Variants in EXT2 observed in about 807,000 individuals in gnomAD.
EXT2 encodes exostosin-2.
Under a neutral mutation model 81.6 loss-of-function variants are expected in EXT2, and 53 were observed. The observed-to-expected ratio is 0.65, with a 90% CI of 0.52 to 0.82. EXT2 has a LOEUF of 0.82. EXT2 is among the 40% of genes least tolerant of loss of function. The pLI is 0.00. For synonymous variants in EXT2, 320 were observed against 340.0 expected, an observed-to-expected ratio of 0.94 and a Z score of 0.65; for missense variants, 774 against 910.2, an observed-to-expected ratio of 0.85 and a Z score of 1.93.
At chr11:44,195,157 G>A (rs537791494) in intron 8 of EXT2, among the ~76,000 whole-genome samples, 74 of 152,202 alleles carry the variant, frequency 4.9e-4, no homozygotes, top group East Asian at 2.3e-3. Flanking sequence ...TTTCCTGGCC[G>A]GGCGCGGTGG....
At chr11:44,196,258 C>G (rs907316438) in intron 8 of EXT2, among the ~76,000 whole-genome samples, 1 of 152,158 alleles carries the variant, frequency 6.6e-6, no homozygotes, top group African/African-American at 2.4e-5. Flanking sequence ...TCTTTATTCT[C>G]TGTGTTCAGA....
chr11:44,106,251 C>T (rs181502849), intron 1 of EXT2, among the ~76,000 whole-genome samples: 8 of 152,232 alleles, frequency 5.3e-5, no homozygotes, highest in Admixed American at 5.2e-4. Context: ...TGTTGGTGTT[C>T]GTCTTTGTAA....
chr11:44,241,970 A>G (rs999133849), intron 13 of EXT2, among the ~76,000 whole-genome samples: 15 of 152,210 alleles, frequency 9.9e-5, no homozygotes, highest in African/African-American at 3.6e-4. Context: ...TACTCACTAG[A>G]CTTGGGTTAG....
chr11:44,111,552 G>A (rs1378850491), intron 3 of EXT2, among the ~76,000 whole-genome samples: 1 of 152,062 alleles, frequency 6.6e-6, no homozygotes, highest in Non-Finnish European at 1.5e-5. Context: ...CTGTAATACC[G>A]TTACTACCTT....
In EXT2 at chr11:44,173,819, G is replaced by A. The variant is rs373182342; in HGVS notation, c.1305+2077G>A. Among the ~76,000 whole-genome samples, 9 of 151,742 alleles carry A rather than the reference G, an allele frequency of 5.9e-5. No homozygotes were observed. The East Asian group carries it at 7.8e-4, about 13-fold the overall frequency. ...CCTGATCTTGTGATCCGCCTGCCTC[G>A]GCCTCCCAAAGTGCTGGGATTACAG... On this transcript the variant is annotated intron_variant, in intron 8 of 13. Transcript: ENST00000533608.
Position 44,232,357 on chromosome 11 carries a change from G to A in EXT2, c.1667G>A (p.Trp556Ter). 1 of 1,613,932 alleles carries A rather than the reference G, an allele frequency of 6.2e-7. No homozygotes were observed. The highest frequency in any genetic ancestry group is 2.2e-5 in the East Asian group (1 of 44,874). Residue 556 changes from tryptophan to a stop codon, truncating the protein, a stop_gained, in exon 11 of 14, where the codon TGG (tryptophan) becomes TAG (stop). Transcript: ENST00000533608. LOFTEE classifies it high-confidence loss of function. ...TTATTATGTGTCTGTCCTTAGGTCT[G>A]GCGGGAATTTCCTGACCGGTTGGTG... ...SDELQFGYEV[W>*]REFPDRLVGY...
At chr11:44,105,956 C>T (rs978591375) in intron 1 of EXT2, among the ~76,000 whole-genome samples, 2 of 152,190 alleles carry the variant, frequency 1.3e-5, no homozygotes, top group African/African-American at 4.8e-5. Flanking sequence ...GGGGATGGCT[C>T]ATCTCTTCCC....
chr11:44,137,595 A>C (rs1160139121), intron 7 of EXT2, among the ~76,000 whole-genome samples: 1 of 152,026 alleles, frequency 6.6e-6, no homozygotes, highest in Non-Finnish European at 1.5e-5. Context: ...GAGAGACCAT[A>C]AAGCTACTTT....
intron 7 of EXT2, among the ~76,000 whole-genome samples, chr11:44,137,543 C>T (rs1954588698): frequency 6.7e-6 from 1 of 149,250 alleles, no homozygotes; most frequent in African/African-American, 2.5e-5. Context: ...AATTAGGGTC[C>T]CTAATTTCAT....
intron 3 of EXT2, 151 bp from the exon 4 acceptor site, chr11:44,114,034 G>C (rs1954183930): frequency 1.3e-6 from 1 of 741,200 alleles, no homozygotes; most frequent in East Asian, 2.6e-5. Context: ...CCCGAGATGC[G>C]TGTATAAGGC....
intron 7 of EXT2, among the ~76,000 whole-genome samples, chr11:44,140,076 A>G (rs1270592600): frequency 3.3e-5 from 5 of 152,196 alleles, no homozygotes; most frequent in Non-Finnish European, 7.3e-5. Flanking sequence ...AGGGTTTTCC[A>G]AGGGCTTTTA....
In EXT2 at chr11:44,130,281, T is replaced by C. The variant is rs188571805; in HGVS notation, c.1173+143T>C. The C allele has an allele frequency of 2.2e-4, 161 of 721,820 alleles. 1 individual carries two copies. In the Middle Eastern group the frequency reaches 4.0e-3, roughly 18 times the overall value. 44.7% of individuals were successfully genotyped at this position (721,820 alleles called of 1,614,324 possible). A position where few individuals can be genotyped will look rare whatever the true frequency, so the allele number is the denominator to read the frequency against. On this transcript the variant is annotated intron_variant, in intron 7 of 13. Transcript: ENST00000533608. ...CTAGCCAAACTGAAACGATAGGAAA[T>C]TAATGTTAGGTGAGTTGCATCAAAT...
At chr11:44,205,409 G>A (rs865799442) in intron 9 of EXT2, among the ~76,000 whole-genome samples, 55 of 152,318 alleles carry the variant, frequency 3.6e-4, no homozygotes, top group African/African-American at 1.3e-3. Flanking sequence ...TGCCAAGAAT[G>A]AAACTATAAC....
At chr11:44,177,722 G>T (rs1407526460) in intron 8 of EXT2, among the ~76,000 whole-genome samples, 3 of 151,690 alleles carry the variant, frequency 2.0e-5, no homozygotes, top group South Asian at 2.1e-4. Flanking sequence ...TTGATAGATG[G>T]TTTTTTTTCC....
intron 4 of EXT2, 96 bp downstream of exon 4, chr11:44,114,397 A>G: frequency 9.2e-7 from 1 of 1,081,434 alleles, no homozygotes; most frequent in East Asian, 2.4e-5. Context: ...CCAATACATC[A>G]GTTACAGGGT....
rs77888879 is a variant in EXT2, at chr11:44,158,185, T to C, written c.1174-13426T>C. ...GCACTGCCTGAGGTTGGGGGAGCAGTGACACAAGCACCCACTTTACTGTAC... is the reference window on the plus strand; with the variant it reads ...GCACTGCCTGAGGTTGGGGGAGCAGCGACACAAGCACCCACTTTACTGTAC... On this transcript the variant is annotated intron_variant, in intron 7 of 13. Coordinates refer to ENST00000533608, the MANE Select transcript of EXT2 (RefSeq NM_207122.2). Among the ~76,000 whole-genome samples, 842 of 152,286 alleles carry C rather than the reference T, an allele frequency of 5.5e-3. 13 individuals are homozygous for C. Among genetic ancestry groups the C allele is most frequent in the African/African-American group, 0.019 (798 of 41,538 alleles).
chr11:44,218,722 C>G (rs1244770888), intron 10 of EXT2, among the ~76,000 whole-genome samples: 1 of 140,566 alleles, frequency 7.1e-6, no homozygotes, highest in Admixed American at 7.1e-5. Flanking sequence ...ATATTTTAAA[C>G]AGAATTAGTA....
intron 7 of EXT2, among the ~76,000 whole-genome samples, chr11:44,131,777 G>A (rs1245062802): frequency 5.3e-5 from 8 of 152,182 alleles, no homozygotes; most frequent in African/African-American, 1.9e-4. Context: ...TCACTCTGTA[G>A]TGCAGGCTGG....
intron 7 of EXT2, among the ~76,000 whole-genome samples, chr11:44,135,945 A>G (rs1001665100): frequency 6.6e-6 from 1 of 152,262 alleles, no homozygotes; most frequent in African/African-American, 2.4e-5. Context: ...AATTGAGGAA[A>G]TACAGAAATT....
Sources: gnomAD v4.1 joint callset for allele counts (sites outside exome capture counted in the v4.1 genomes callset) on GRCh38, gnomAD v4.1.1 for gene constraint, MANE v1.5 for transcripts, NCBI Gene and HGNC (gene_info 2026-07-23, HGNC 2026-07-21) for gene names.